KCTD1: variants seen among roughly 807,000 people sequenced by gnomAD.
The protein encoded by KCTD1 is BTB/POZ domain-containing protein KCTD1.
KCTD1 carries 24 observed loss-of-function variants against 66.0 expected under a neutral mutation model. The ratio of observed to expected loss-of-function variants is 0.36; its 90% confidence interval spans 0.26 to 0.51. The LOEUF (loss-of-function observed/expected upper bound fraction) is 0.51, where lower values mean the gene tolerates loss of function less well. Ranked by LOEUF, KCTD1 falls within the 20% of genes least tolerant of loss-of-function variation. The pLI, the probability that KCTD1 is intolerant of heterozygous loss-of-function variation, is 0.95. For synonymous variants in KCTD1, 511 were observed against 517.2 expected (o/e 0.99, Z 0.16); for missense variants, 943 against 1,205.2 (o/e 0.78, Z 3.22).
intron 1 of KCTD1, among the ~76,000 whole-genome samples, chr18:26,606,610 C>T (rs190124972): frequency 8.9e-4 from 135 of 152,340 alleles, no homozygotes; most frequent in Non-Finnish European, 1.5e-3. Flanking sequence ...TAGAATAAGC[C>T]TGGCCTAGCC....
At chr18:26,598,322 A>G (rs1455164195) in intron 1 of KCTD1, among the ~76,000 whole-genome samples, 1 of 152,280 alleles carries the variant, frequency 6.6e-6, no homozygotes, top group East Asian at 1.9e-4. Context: ...CCATGTAGGG[A>G]TGTACTCCCT....
intron 2 of KCTD1, among the ~76,000 whole-genome samples, chr18:26,497,578 C>T (rs999044106): frequency 2.6e-5 from 4 of 152,130 alleles, no homozygotes; most frequent in Admixed American, 6.6e-5. Flanking sequence ...CTAAAATTTG[C>T]GTATGGGTCC....
At position 26,548,419 on chromosome 18, in the gene KCTD1, C is replaced by A. The variant is rs1384736811; in HGVS notation, c.118G>T (p.Gly40Cys). The A allele has an allele frequency of 7.0e-7, 1 of 1,426,432 alleles. No homozygotes were observed. The highest frequency in any genetic ancestry group is 9.2e-7 in the Non-Finnish European group (1 of 1,088,114). The allele number at this position is 1,426,432 out of a possible 1,614,324, so 88.4% of individuals were successfully genotyped here. A position where few individuals can be genotyped will look rare whatever the true frequency, so the allele number is the denominator to read the frequency against. Reference protein sequence around the residue: ...ERGEGERGAGGRGRRHSRPHY... With the variant: ...ERGEGERGAGCRGRRHSRPHY... Reference sequence around the variant, plus strand: ...GGACGGCTGTGGCGGCGGCCGCGGCCCCCCGCGCCGCGCTCGCCCTCGCCC... The same window carrying A: ...GGACGGCTGTGGCGGCGGCCGCGGCACCCCGCGCCGCGCTCGCCCTCGCCC... The change falls in exon 1 of 5, where the codon GGC (glycine) becomes TGC (cysteine). Residue 40 changes from glycine (G) to cysteine (C), a missense_variant. Gly to Cys is a radical substitution (Grantham distance 159). Transcript: ENST00000580059.
chr18:26,486,206 C>A (rs7229451), intron 2 of KCTD1, among the ~76,000 whole-genome samples: 78,767 of 152,118 alleles, frequency 0.52, 22,702 homozygotes, highest in East Asian at 0.83. Context: ...CCACTGCACC[C>A]GGCCCTGATT....
At chr18:26,619,196 T>C (rs1987320065) in intron 1 of KCTD1, among the ~76,000 whole-genome samples, 1 of 152,218 alleles carries the variant, frequency 6.6e-6, no homozygotes, top group Admixed American at 6.6e-5. Context: ...TCAAGTTTCT[T>C]CTATACAGGA....
intron 1 of KCTD1, among the ~76,000 whole-genome samples, chr18:26,539,781 T>C (rs576724688): frequency 2.8e-4 from 43 of 152,324 alleles, no homozygotes; most frequent in South Asian, 1.5e-3. Flanking sequence ...TCAAAAACCA[T>C]AGCAACTTGA....
At chr18:26,639,328 A>G (rs1987787282) in intron 1 of KCTD1, among the ~76,000 whole-genome samples, 1 of 152,202 alleles carries the variant, frequency 6.6e-6, no homozygotes, top group African/African-American at 2.4e-5. Flanking sequence ...AGGAGTCGCC[A>G]GTCTATCTGG....
chr18:26,483,305 A>G (rs568307448), intron 2 of KCTD1, among the ~76,000 whole-genome samples: 6 of 152,228 alleles, frequency 3.9e-5, no homozygotes, highest in South Asian at 2.1e-4. Context: ...GTCTCGCTCT[A>G]TCACCCAGGC....
intron 1 of KCTD1, among the ~76,000 whole-genome samples, chr18:26,506,125 GC>G (rs1381613539): frequency 6.6e-6 from 1 of 151,606 alleles, no homozygotes; most frequent in East Asian, 1.9e-4. Flanking sequence ...CAGGTGATCA[GC>G]CCGCCTTGGC....
At chr18:26,566,016 G>C (rs994458869) in intron 1 of KCTD1, 1 of 151,622 alleles carries the variant, frequency 6.6e-6, no homozygotes, top group Non-Finnish European at 1.5e-5. Flanking sequence ...TAACTTTCTT[G>C]TCTTGGTAGA....
At chr18:26,557,360 G>A (rs1030565852) in intron 1 of KCTD1, among the ~76,000 whole-genome samples, 3 of 152,184 alleles carry the variant, frequency 2.0e-5, no homozygotes, top group Non-Finnish European at 4.4e-5. Flanking sequence ...TTTGGATATT[G>A]TAAGTGCTTT....
intron 1 of KCTD1, among the ~76,000 whole-genome samples, chr18:26,507,110 G>A (rs1029480840): frequency 6.6e-6 from 1 of 152,162 alleles, no homozygotes; most frequent in Admixed American, 6.5e-5. Context: ...CGGTTTCAGT[G>A]AGCCAAGATC....
rs111803305 is a variant in KCTD1 at position 26,606,393 on chromosome 18, T to TG, written c.-16+22753dup. On this transcript the variant is annotated intron_variant, in intron 1 of 4. Coordinates refer to the KCTD1 transcript ENST00000317932. ...AAGAGGAGAGGTTCATTCAGACAGT[T>TG]GGGGGGCCTTAGAATTTTAGTTTTG... 9.9e-3 allele frequency among the ~76,000 whole-genome samples: 1,514 copies of TG among 152,302 alleles called. 9 individuals carry two copies. Among genetic ancestry groups the TG allele is most frequent in the Middle Eastern group, 0.027 (8 of 294 alleles).
intron 1 of KCTD1, among the ~76,000 whole-genome samples, chr18:26,619,289 T>A (rs924078670): frequency 2.0e-5 from 3 of 152,252 alleles, no homozygotes; most frequent in Non-Finnish European, 4.4e-5. Context: ...GTATTGCTTA[T>A]TTCCTTACTT....
In KCTD1 at chr18:26,455,497, C is replaced by G; in HGVS notation, c.*246G>C. 4 of 175,890 alleles carry G rather than the reference C, an allele frequency of 2.3e-5. No homozygotes were observed. The highest frequency in any genetic ancestry group is 4.3e-5 in the Non-Finnish European group (4 of 91,962). The allele number at this position is 175,890 out of a possible 1,614,324, so 10.9% of individuals were successfully genotyped here. ...TGCGGCTGTCACCTTTTTTTTTTTT[C>G]TTTTTTGCATTTCCTACCTTTTGAC... On this transcript the variant is annotated 3_prime_UTR_variant, in exon 5 of 5. Coordinates refer to ENST00000580059, the MANE Select transcript of KCTD1 (RefSeq NM_001142730.3).
intron 1 of KCTD1, among the ~76,000 whole-genome samples, chr18:26,605,157 G>A (rs1485651128): frequency 2.0e-5 from 3 of 152,156 alleles, no homozygotes; most frequent in Non-Finnish European, 4.4e-5. Flanking sequence ...CATCTGTTCC[G>A]TTTCATTGAT....
intron 1 of KCTD1, among the ~76,000 whole-genome samples, chr18:26,531,184 A>C (rs1033840576): frequency 3.3e-5 from 5 of 152,208 alleles, no homozygotes; most frequent in African/African-American, 1.2e-4. Context: ...ATGGCAAATA[A>C]AATGAATGAA....
At chr18:26,552,130 T>G (rs1985588644), upstream of KCTD1, among the ~76,000 whole-genome samples, 1 of 152,238 alleles carries the variant, frequency 6.6e-6, no homozygotes, top group South Asian at 2.1e-4. Flanking sequence ...ATATTTGTGC[T>G]TCTCCACTTC....
intron 2 of KCTD1, among the ~76,000 whole-genome samples, chr18:26,485,903 G>A (rs952428406): frequency 1.1e-4 from 16 of 151,010 alleles, no homozygotes; most frequent in African/African-American, 2.2e-4. Context: ...CAAGTACTCC[G>A]CTAAAAACTT....
Sources: gnomAD v4.1 joint callset for allele counts (sites outside exome capture counted in the v4.1 genomes callset) on GRCh38, gnomAD v4.1.1 for gene constraint, MANE v1.5 for transcripts, NCBI Gene and HGNC (gene_info 2026-07-23, HGNC 2026-07-21) for gene names.